MYOM1: variants seen among roughly 807,000 people sequenced by gnomAD.
MYOM1 encodes myomesin-1.
Under a neutral mutation model 205.3 loss-of-function variants are expected in MYOM1, and 164 were observed. The ratio of observed to expected loss-of-function variants is 0.80; its 90% CI spans 0.70 to 0.91. MYOM1 has a LOEUF of 0.91. MYOM1 is among the 40% of genes least tolerant of loss of function. MYOM1 has a pLI of 0.00. For synonymous variants in MYOM1, 772 were observed against 789.4 expected (o/e 0.98, Z 0.37); for missense variants, 2,011 against 2,127.3 (o/e 0.95, Z 1.08).
chr18:3,100,456 G>T, intron 23 of MYOM1, 30 bp from the exon 24 acceptor site: 2 of 1,535,000 alleles, frequency 1.3e-6, no homozygotes, highest in South Asian at 2.3e-5. Context: ...TCTTAGAAAT[G>T]AGGCTGTGTG....
At position 3,161,075 on chromosome 18, in the gene MYOM1, A is replaced by G. The variant is rs1476282536; in HGVS notation, c.1501+3203T>C. ...CAAAGACTTAGCTTAGTTCATCCTC[A>G]TCTAGCCAGGTTGATCCTGGTGATT... On this transcript the variant is annotated intron_variant, in intron 10 of 37. Coordinates refer to ENST00000356443, the MANE Select transcript of MYOM1 (RefSeq NM_003803.4). Among the ~76,000 whole-genome samples the G allele has an allele frequency of 2.6e-5, 4 of 152,328 alleles. No individual in the cohort carries two copies. The East Asian group carries it at 5.8e-4, about 22-fold the overall frequency.
chr18:3,125,108 T>C (rs896873408), intron 19 of MYOM1, among the ~76,000 whole-genome samples: 6 of 152,162 alleles, frequency 3.9e-5, no homozygotes, highest in Non-Finnish European at 7.3e-5. Context: ...AATGTGTGAA[T>C]AGACCAAGTG....
At chr18:3,112,443 G>A in intron 21 of MYOM1, 31 bp from the exon 22 acceptor site, 44 of 1,524,080 alleles carry the variant, frequency 2.9e-5, no homozygotes, top group Non-Finnish European at 3.9e-5. Context: ...AGCAATGGGT[G>A]TTTGATGAAG....
chr18:3,084,412 A>G (rs1314908344), intron 31 of MYOM1, among the ~76,000 whole-genome samples: 1 of 152,146 alleles, frequency 6.6e-6, no homozygotes, highest in Non-Finnish European at 1.5e-5. Flanking sequence ...TGAATTAACC[A>G]TGTAGGTCTC....
chr18:3,142,330 T>C (rs1429396999), intron 13 of MYOM1, among the ~76,000 whole-genome samples: 1 of 152,200 alleles, frequency 6.6e-6, no homozygotes, highest in Non-Finnish European at 1.5e-5. Flanking sequence ...GGTGCAATTA[T>C]GGCTCACTGC....
intron 10 of MYOM1, among the ~76,000 whole-genome samples, chr18:3,157,242 T>C (rs2080313701): frequency 6.6e-6 from 1 of 152,158 alleles, no homozygotes; most frequent in South Asian, 2.1e-4. Context: ...CAGGGAGCCA[T>C]TGTTCAACAT....
chr18:3,201,003 T>G (rs1598766174), intron 2 of MYOM1, among the ~76,000 whole-genome samples: 1 of 152,124 alleles, frequency 6.6e-6, no homozygotes, highest in Non-Finnish European at 1.5e-5. Flanking sequence ...AAATGATTCT[T>G]TACACACAGG....
At chr18:3,089,096 GA>G in intron 29 of MYOM1, 77 bp downstream of exon 29, 1 of 1,030,456 alleles carries the variant, frequency 9.7e-7, no homozygotes, top group Non-Finnish European at 1.4e-6. Context: ...TGGAAGAGAT[GA>G]AAAATTGAGC....
rs1442971680 is a variant in MYOM1 at position 3,189,205 on chromosome 18, C to T, written c.432-118G>A. 12 of 956,564 alleles carry T rather than the reference C, an allele frequency of 1.3e-5. No individual in the cohort carries two copies. The highest frequency in any genetic ancestry group is 2.8e-5 in the Admixed American group (1 of 35,298). 59.3% of individuals were successfully genotyped at this position (956,564 alleles called of 1,614,324 possible). A position where few individuals can be genotyped will look rare whatever the true frequency, so the allele number is the denominator to read the frequency against. On this transcript the variant is annotated intron_variant, in intron 3 of 37. Transcript: ENST00000356443. The surrounding 1 kb of genome is among the most constrained non-coding windows in gnomAD (Gnocchi z 4.8). Reference sequence around the variant, plus strand: ...CTGTATCCTGCACCAAAAGAAAATCCGACATAGAAAAAGCAGGTGAATCAG... The same window carrying T: ...CTGTATCCTGCACCAAAAGAAAATCTGACATAGAAAAAGCAGGTGAATCAG...
At chr18:3,197,873 A>AAAAAAG (rs370225137) in intron 2 of MYOM1, among the ~76,000 whole-genome samples, 5 of 147,670 alleles carry the variant, frequency 3.4e-5, no homozygotes, top group Admixed American at 6.6e-5. Flanking sequence ...ACTCCATCTC[A>AAAAAAG]AAAAAGAAAA....
intron 21 of MYOM1, among the ~76,000 whole-genome samples, chr18:3,114,538 C>T (rs1030725985): frequency 8.7e-4 from 113 of 129,518 alleles, no homozygotes; most frequent in African/African-American, 3.3e-3. Context: ...CCACCATGGT[C>T]AGCTAATTTT....
At position 3,179,983 on chromosome 18, in the gene MYOM1, T is replaced by C. The variant is rs983051308; in HGVS notation, c.930-3849A>G. Among the ~76,000 whole-genome samples, 2 of 152,042 alleles carry C rather than the reference T, an allele frequency of 1.3e-5. No individual in the cohort carries two copies. The highest frequency in any genetic ancestry group is 1.3e-4 in the Admixed American group (2 of 15,244). ...TCGGATCAAAAGTATTGCTCATATC[T>C]CTATAAAATTTTCATTACAAAGTAT... is the stretch of plus-strand genomic sequence containing the variant. On this transcript the variant is annotated intron_variant, in intron 5 of 37. Coordinates refer to ENST00000356443, the MANE Select transcript of MYOM1 (RefSeq NM_003803.4). The surrounding 1 kb of genome is among the most constrained non-coding windows in gnomAD (Gnocchi z 4.4).
intron 10 of MYOM1, among the ~76,000 whole-genome samples, chr18:3,163,271 T>G (rs1448676760): frequency 6.6e-6 from 1 of 152,134 alleles, no homozygotes; most frequent in African/African-American, 2.4e-5. Flanking sequence ...GCAGCTTCCT[T>G]AAACTGAGAT....
At chr18:3,125,086 G>T (rs1169528736) in intron 19 of MYOM1, among the ~76,000 whole-genome samples, 1 of 152,236 alleles carries the variant, frequency 6.6e-6, no homozygotes. Flanking sequence ...CACTCAGATT[G>T]TCAAAGCTGA....
chr18:3,072,479 G>A (rs2078971820), intron 36 of MYOM1, among the ~76,000 whole-genome samples: 1 of 150,098 alleles, frequency 6.7e-6, no homozygotes. Flanking sequence ...TCAGCCTCCT[G>A]AGTATCTGGA....
chr18:3,119,755 G>C, intron 20 of MYOM1, 114 bp downstream of exon 20: 1 of 1,333,130 alleles, frequency 7.5e-7, no homozygotes, highest in Non-Finnish European at 1.0e-6. Context: ...GGGGCCAAGA[G>C]AATTCTTTTC....
upstream of MYOM1, among the ~76,000 whole-genome samples, chr18:3,221,847 C>A (rs2144284428): frequency 6.6e-6 from 1 of 152,302 alleles, no homozygotes; most frequent in East Asian, 1.9e-4. Flanking sequence ...TATCTGGAAG[C>A]CATAGGCGAG....
chr18:3,093,936 T>G (rs1326884087), intron 26 of MYOM1, among the ~76,000 whole-genome samples: 1 of 152,142 alleles, frequency 6.6e-6, no homozygotes, highest in Admixed American at 6.6e-5. Context: ...TGAGACCGTT[T>G]TGGTTTATGA....
At chr18:3,226,472 C>T in the MYOM1 span, among the ~76,000 whole-genome samples, 7,391 of 152,138 alleles carry the variant, frequency 0.049, 411 homozygotes, top group African/African-American at 0.14. The surrounding 1 kb of genome is among the most constrained non-coding windows in gnomAD (Gnocchi z 4.6). Context: ...GTTTCAACCA[C>T]GGGTAATTCC....
Sources: allele counts gnomAD v4.1 joint callset (sites outside exome capture counted in the v4.1 genomes callset), GRCh38; gene constraint gnomAD v4.1.1; non-coding constraint Gnocchi (gnomAD v3.1); transcripts MANE v1.5; gene names NCBI Gene and HGNC (gene_info 2026-07-23, HGNC 2026-07-21).